Variants in PPP1R12A observed in about 807,000 individuals in gnomAD.
The protein encoded by PPP1R12A is protein phosphatase 1 regulatory subunit 12A, also known as myosin binding subunit.
PPP1R12A carries 19 observed loss-of-function variants against 139.6 expected under a neutral mutation model. That is an observed-to-expected ratio of 0.14 (90% CI 0.09 to 0.20). The LOEUF (loss-of-function observed/expected upper bound fraction) is 0.20, where lower values mean the gene tolerates loss of function less well. Among genes scored for constraint, PPP1R12A ranks in the 10% least tolerant of loss-of-function variants. The pLI is 1.00. For missense variants in PPP1R12A, 925 were observed against 1,211.5 expected (o/e 0.76, Z 3.51); for synonymous variants, 427 against 420.6 (o/e 1.02, Z -0.19).
At chr12:79,933,403 G>A (rs535368346) in intron 1 of PPP1R12A, among the ~76,000 whole-genome samples, 5 of 152,012 alleles carry the variant, frequency 3.3e-5, no homozygotes, top group East Asian at 1.9e-4. Flanking sequence ...TTTTTAAAAG[G>A]CATCAAGTTA....
At chr12:79,852,442 C>G (rs1015934384) in intron 2 of PPP1R12A, among the ~76,000 whole-genome samples, 1 of 152,070 alleles carries the variant, frequency 6.6e-6, no homozygotes, top group Non-Finnish European at 1.5e-5. Flanking sequence ...GTGATCCACC[C>G]ACCTTGGCTT....
chr12:79,926,342 T>G (rs891269280), intron 1 of PPP1R12A, among the ~76,000 whole-genome samples: 1 of 152,150 alleles, frequency 6.6e-6, no homozygotes, highest in South Asian at 2.1e-4. Flanking sequence ...TGCGCCACCA[T>G]GCCTGGCTAA....
intron 3 of PPP1R12A, 38 bp downstream of exon 3, chr12:79,845,264 C>T: frequency 6.9e-7 from 1 of 1,454,348 alleles, no homozygotes; most frequent in Non-Finnish European, 9.5e-7. Flanking sequence ...CACATTCTTT[C>T]TAAAACATTT....
At chr12:79,821,225 T>C in intron 6 of PPP1R12A, 59 bp from the exon 7 acceptor site, 3 of 1,194,276 alleles carry the variant, frequency 2.5e-6, no homozygotes, top group Non-Finnish European at 3.6e-6. Context: ...ATTACTAAGA[T>C]GCAGAGTTTA....
rs1871749606 is a variant in PPP1R12A, at chr12:79,790,807, A to T, written c.2650-324T>A. Among the ~76,000 whole-genome samples, 4 of 152,302 alleles carry T rather than the reference A, an allele frequency of 2.6e-5. No homozygotes were observed. In the South Asian group the frequency reaches 8.3e-4, roughly 32 times the overall value. On this transcript the variant is annotated intron_variant, in intron 19 of 24. Coordinates refer to ENST00000450142, the MANE Select transcript of PPP1R12A (RefSeq NM_002480.3). ...AAACAGTCTTACTGGGGGCCAAAGT[A>T]GTCTTTTTCAGTAGTCAAATTTAGC...
chr12:79,906,861 G>A (rs1886169616), intron 1 of PPP1R12A, among the ~76,000 whole-genome samples: 1 of 152,088 alleles, frequency 6.6e-6, no homozygotes, highest in Non-Finnish European at 1.5e-5. Flanking sequence ...GACCCGGCTG[G>A]TCTCGAACTC....
At chr12:79,777,213 A>T in intron 24 of PPP1R12A, 1 of 925,132 alleles carries the variant, frequency 1.1e-6, no homozygotes, top group Non-Finnish European at 1.3e-6. Context: ...AAAGAACTGT[A>T]AATAATAGTC....
At chr12:79,791,568 T>C (rs1357024760) in intron 19 of PPP1R12A, among the ~76,000 whole-genome samples, 1 of 152,134 alleles carries the variant, frequency 6.6e-6, no homozygotes, top group African/African-American at 2.4e-5. Flanking sequence ...GCTCAAGCAG[T>C]CCTCCCACCT....
chr12:79,865,890 T>A (rs1881908349), intron 2 of PPP1R12A, among the ~76,000 whole-genome samples: 1 of 152,176 alleles, frequency 6.6e-6, no homozygotes, highest in Admixed American at 6.5e-5. Flanking sequence ...ATGGCCTTAC[T>A]ACCCAAAGTA....
intron 9 of PPP1R12A, 141 bp from the exon 10 acceptor site, chr12:79,810,151 G>A (rs1874347049): frequency 4.4e-6 from 3 of 683,162 alleles, no homozygotes; most frequent in South Asian, 4.6e-5. Context: ...TACTACATAG[G>A]TTAATGTCTT....
chr12:79,794,048 T>C lies in PPP1R12A; in HGVS notation c.2584-120A>G, dbSNP rs975540902. The C allele has an allele frequency of 5.3e-5, 36 of 674,986 alleles. 1 individual carries two copies. Among genetic ancestry groups the C allele is most frequent in the Non-Finnish European group, 7.6e-5 (32 of 420,602 alleles). 41.8% of individuals were successfully genotyped at this position (674,986 alleles called of 1,614,324 possible). ...GAATATACATTGAGACATTTGTAGA[T>C]AGAATGAGATGTCTAGGATTTTCTT... On this transcript the variant is annotated intron_variant, in intron 18 of 24. Transcript: ENST00000450142.
Position 79,797,288 on chromosome 12 carries a change from C to T in PPP1R12A, c.2199G>A (p.Glu733=). ...ENEEKEKEEK[E]KQDKEKQEEK... Reference sequence around the variant, plus strand: ...CTTCTTGTTTCTCTTTATCTTGTTTCTCTTTTTCCTCTTTTTCTTTTTCTT... The same window carrying T: ...CTTCTTGTTTCTCTTTATCTTGTTTTTCTTTTTCCTCTTTTTCTTTTTCTT... The change falls in exon 16 of 25, where the codon GAG becomes GAA. Residue 733 remains glutamate (E), a synonymous_variant. Transcript: ENST00000450142. The T allele has an allele frequency of 1.9e-6, 3 of 1,586,372 alleles. No individual in the cohort carries two copies. In the South Asian group the frequency reaches 3.4e-5, roughly 18 times the overall value.
At chr12:79,782,483 G>C in intron 22 of PPP1R12A, 2 of 425,096 alleles carry the variant, frequency 4.7e-6, no homozygotes, top group South Asian at 3.4e-5. Flanking sequence ...TCCACTTCCT[G>C]TACTATCTGA....
At chr12:79,869,700 T>C (rs539503181) in intron 2 of PPP1R12A, among the ~76,000 whole-genome samples, 2 of 152,160 alleles carry the variant, frequency 1.3e-5, no homozygotes, top group Admixed American at 6.5e-5. Flanking sequence ...GAATGCAATA[T>C]GAGAAAAAAG....
chr12:79,926,612 AC>A (rs1213648545), intron 1 of PPP1R12A, among the ~76,000 whole-genome samples: 2 of 152,200 alleles, frequency 1.3e-5, no homozygotes, highest in African/African-American at 2.4e-5. Flanking sequence ...TGTTACACTT[AC>A]CCAATTATTT....
intron 19 of PPP1R12A, 171 bp downstream of exon 19, chr12:79,793,692 C>T: frequency 1.9e-6 from 1 of 525,554 alleles, no homozygotes; most frequent in African/African-American, 2.0e-5. Context: ...TTTTGTGACC[C>T]TTCCCAGTCC....
chr12:79,809,435 G>A (rs1454352543), intron 10 of PPP1R12A, among the ~76,000 whole-genome samples: 2 of 152,040 alleles, frequency 1.3e-5, no homozygotes, highest in Non-Finnish European at 2.9e-5. Flanking sequence ...TGTAACTTAT[G>A]AGTATACTAA....
At chr12:79,789,827 G>A (rs1051100622) in intron 20 of PPP1R12A, 4 of 348,626 alleles carry the variant, frequency 1.1e-5, no homozygotes, top group South Asian at 6.8e-5. Context: ...ATCCAGTGAG[G>A]AGTGCAGTGG....
intron 1 of PPP1R12A, among the ~76,000 whole-genome samples, chr12:79,927,966 A>G (rs1565821474): frequency 6.6e-6 from 1 of 152,244 alleles, no homozygotes; most frequent in African/African-American, 2.4e-5. Context: ...AGGCAGAGGC[A>G]ATGAAAATAG....
Sources: allele counts gnomAD v4.1 joint callset (sites outside exome capture counted in the v4.1 genomes callset), GRCh38; gene constraint gnomAD v4.1.1; transcripts MANE v1.5; gene names NCBI Gene and HGNC (gene_info 2026-07-23, HGNC 2026-07-21).